Variants in ALDH1L1 observed in about 807,000 individuals in gnomAD.
The protein encoded by ALDH1L1 is aldehyde dehydrogenase 1 family member L1.
In ALDH1L1, 68 loss-of-function variants were observed where a neutral mutation model predicts 101.1. The ratio of observed to expected loss-of-function variants is 0.67; its 90% CI spans 0.55 to 0.82. The LOEUF (loss-of-function observed/expected upper bound fraction) is 0.82, where lower values mean the gene tolerates loss of function less well. Ranked by LOEUF, ALDH1L1 falls within the 40% of genes least tolerant of loss-of-function variation. ALDH1L1 has a pLI of 0.00. For synonymous variants in ALDH1L1, 486 were observed against 470.8 expected (o/e 1.03, Z -0.42); for missense variants, 1,087 against 1,172.7 (o/e 0.93, Z 1.07).
At chr3:126,105,446 A>C in intron 22 of ALDH1L1, 1 of 454,604 alleles carries the variant, frequency 2.2e-6, no homozygotes, top group Non-Finnish European at 4.1e-6. Context: ...AGGTCTGGGT[A>C]GCACAGGTGC....
At chr3:126,141,816 AC>A (rs899583637) in intron 9 of ALDH1L1, among the ~76,000 whole-genome samples, 19 of 152,218 alleles carry the variant, frequency 1.2e-4, no homozygotes, top group African/African-American at 4.3e-4. Context: ...AGCAATCTAA[AC>A]CCAAAACTAG....
At chr3:126,180,753 C>T (rs938918114), upstream of ALDH1L1, 48 of 1,428,138 alleles carry the variant, frequency 3.4e-5, no homozygotes, top group African/African-American at 5.5e-4. Flanking sequence ...TAAAAGCCAA[C>T]CCCGCAGGGG....
intron 3 of ALDH1L1, 127 bp from the exon 4 acceptor site, chr3:126,157,635 C>G (rs2080942231): frequency 1.9e-6 from 2 of 1,031,362 alleles, no homozygotes; most frequent in Admixed American, 4.9e-5. Context: ...CTGACACCGG[C>G]TCCGGCGGGA....
chr3:126,121,919 T>C (rs1310687588), intron 16 of ALDH1L1, among the ~76,000 whole-genome samples: 1 of 152,178 alleles, frequency 6.6e-6, no homozygotes, highest in African/African-American at 2.4e-5. Context: ...TTGGTGACTA[T>C]GGCTAAGATG....
At chr3:126,157,548 G>T (rs375620773) in intron 3 of ALDH1L1, 40 bp from the exon 4 acceptor site, 25 of 1,597,132 alleles carry the variant, frequency 1.6e-5, no homozygotes, top group Non-Finnish European at 1.9e-5. Context: ...CCACGATGAA[G>T]GGCCACGGAG....
intron 7 of ALDH1L1, chr3:126,151,865 C>T (rs3821450): frequency 0.28 from 45,864 of 161,124 alleles, 6,723 homozygotes; most frequent in East Asian, 0.36. Context: ...CTGGTCTCTC[C>T]TCACTCCCCT....
chr3:126,109,440 G>A (rs1487913432), intron 20 of ALDH1L1, among the ~76,000 whole-genome samples: 12 of 152,234 alleles, frequency 7.9e-5, no homozygotes, highest in African/African-American at 2.2e-4. Context: ...CTGGCTGTGC[G>A]GTCAGGAGCT....
At position 126,117,071 on chromosome 3, in the gene ALDH1L1, C is replaced by T. The variant is rs551968655; in HGVS notation, c.1982+934G>A. Among the ~76,000 whole-genome samples, 6 of 152,008 alleles carry T rather than the reference C, an allele frequency of 3.9e-5. No homozygotes were observed. In the East Asian group the frequency reaches 1.2e-3, roughly 29 times the overall value. On this transcript the variant is annotated intron_variant, in intron 17 of 22. Transcript: ENST00000393434. ...CCAGGCTGGGCAACATAGCAAAACC[C>T]CATCTCTACAAAAAATTTAAAAACT...
At chr3:126,170,694 C>T (rs1176423032) in intron 1 of ALDH1L1, among the ~76,000 whole-genome samples, 1 of 152,172 alleles carries the variant, frequency 6.6e-6, no homozygotes, top group African/African-American at 2.4e-5. Flanking sequence ...CCTTTTATAA[C>T]CATAGGGTCT....
At chr3:126,155,332 C>T (rs2080882933) in intron 5 of ALDH1L1, 70 bp downstream of exon 5, 1 of 1,413,918 alleles carries the variant, frequency 7.1e-7, no homozygotes, top group Non-Finnish European at 9.7e-7. Context: ...CCCCAGCCTC[C>T]TCAGGCTGCC....
chr3:126,170,387 A>G (rs1439974049), intron 1 of ALDH1L1, among the ~76,000 whole-genome samples: 1 of 149,626 alleles, frequency 6.7e-6, no homozygotes, highest in Admixed American at 6.8e-5. Context: ...AAAAAATAAC[A>G]CATGGGTCTT....
At chr3:126,172,748 T>G (rs1430291947) in intron 1 of ALDH1L1, among the ~76,000 whole-genome samples, 1 of 151,834 alleles carries the variant, frequency 6.6e-6, no homozygotes, top group African/African-American at 2.4e-5. Flanking sequence ...CCAAATAGGA[T>G]AAAGATCACC....
intron 1 of ALDH1L1, among the ~76,000 whole-genome samples, chr3:126,170,927 C>G (rs2081261343): frequency 6.6e-6 from 1 of 152,156 alleles, no homozygotes; most frequent in African/African-American, 2.4e-5. Flanking sequence ...ACGATGGGCC[C>G]CAGTAAAACA....
chr3:126,110,507 C>T (rs1417809379), intron 19 of ALDH1L1, among the ~76,000 whole-genome samples: 1 of 152,090 alleles, frequency 6.6e-6, no homozygotes, highest in Non-Finnish European at 1.5e-5. Context: ...CCAGGATGTG[C>T]GGTAGGTGGG....
At position 126,112,789 on chromosome 3, in the gene ALDH1L1, CG is replaced by C; in HGVS notation, c.2173del (p.Arg725GlyfsTer4). 6.2e-7 allele frequency: 1 copy of C among 1,613,122 alleles called. No individual in the cohort carries two copies. The highest frequency in any genetic ancestry group is 8.5e-7 in the Non-Finnish European group (1 of 1,179,958). ...CCCTGGGGCAGGACTTACCACTCTC[CG>C]CACGAACTCATCATGAATGGAGTCC... Reference protein sequence around the residue: ...VEDSIHDEFVRRVVEEVRKMK... With the variant: ...VEDSIHDEFVXRVVEEVRKMK... On this transcript the variant is annotated frameshift_variant, in exon 19 of 23. Coordinates refer to ENST00000393434, the MANE Select transcript of ALDH1L1 (RefSeq NM_012190.4). LOFTEE classifies it high-confidence loss of function.
chr3:126,152,041 C>A, intron 7 of ALDH1L1: 1 of 152,590 alleles, frequency 6.6e-6, no homozygotes, highest in Non-Finnish European at 1.5e-5. Context: ...GGTGCCCTGT[C>A]CTCCAGCTGC....
Position 126,155,529 on chromosome 3 carries a change from C to T in ALDH1L1, c.529-26G>A, listed in dbSNP as rs4646707. 1.1e-4 allele frequency: 170 copies of T among 1,595,250 alleles called. 1 individual carries two copies. In the East Asian group the frequency reaches 3.8e-3, roughly 35 times the overall value. On this transcript the variant is annotated intron_variant, in intron 4 of 22. Transcript: ENST00000393434. ...CTGGGGAGATCCAGTGGGTTGCTAT[C>T]CCCAGCAATAGGACCCTGCCTCCTT...
At chr3:126,127,218 T>C (rs6438974) in intron 14 of ALDH1L1, among the ~76,000 whole-genome samples, 96,195 of 152,118 alleles carry the variant, frequency 0.63, 30,505 homozygotes, top group Middle Eastern at 0.7. Context: ...TGTGCAGAGC[T>C]GGCCCTGGCA....
chr3:126,144,742 A>T (rs977210527), intron 9 of ALDH1L1, among the ~76,000 whole-genome samples: 1 of 152,218 alleles, frequency 6.6e-6, no homozygotes, highest in Non-Finnish European at 1.5e-5. Context: ...AAACTATAAA[A>T]CTAGAAGAAA....
Sources: allele counts gnomAD v4.1 joint callset (sites outside exome capture counted in the v4.1 genomes callset), GRCh38; gene constraint gnomAD v4.1.1; transcripts MANE v1.5; gene names NCBI Gene and HGNC (gene_info 2026-07-23, HGNC 2026-07-21).